PTPRT: variants seen among roughly 807,000 people sequenced by gnomAD.
PTPRT encodes the protein protein tyrosine phosphatase receptor type T.
A neutral mutation model predicts 176.8 loss-of-function variants in PTPRT; 56 were observed. The ratio of observed to expected loss-of-function variants is 0.32; its 90% CI spans 0.26 to 0.40. The LOEUF (loss-of-function observed/expected upper bound fraction) is 0.40. Among genes scored for constraint, PTPRT ranks in the 10% least tolerant of loss-of-function variants. PTPRT has a pLI of 1.00. For synonymous variants in PTPRT, 783 were observed against 739.0 expected, an observed-to-expected ratio of 1.06 and a Z score of -0.96; for missense variants, 1,540 against 1,908.2, an observed-to-expected ratio of 0.81 and a Z score of 3.60.
chr20:42,374,912 A>C (rs1403098053), intron 9 of PTPRT, among the ~76,000 whole-genome samples: 1 of 152,218 alleles, frequency 6.6e-6, no homozygotes, highest in Non-Finnish European at 1.5e-5. Context: ...ACAGCAAAAC[A>C]AAACCAATAA....
chr20:42,265,114 C>G (rs8114177), intron 13 of PTPRT, among the ~76,000 whole-genome samples: 9,274 of 152,218 alleles, frequency 0.061, 371 homozygotes, highest in Non-Finnish European at 0.085. Flanking sequence ...TTCCATTTTG[C>G]AGATGAGAAA....
Position 42,396,169 on chromosome 20 carries a change from T to G in PTPRT, c.1561-43884A>C, listed in dbSNP as rs181251356. ...TGCTCATTCCAGTGTCTTTCCTATC[T>G]CAGTTAATAGCAACTCCATCCTTCC... On this transcript the variant is annotated intron_variant, in intron 9 of 30. Coordinates refer to ENST00000373187, the MANE Select transcript of PTPRT (RefSeq NM_007050.6). Among the ~76,000 whole-genome samples the G allele has an allele frequency of 3.8e-3, 584 of 152,282 alleles. 5 individuals are homozygous for G. The highest frequency in any genetic ancestry group is 0.013 in the African/African-American group (559 of 41,558).
At chr20:42,624,468 G>T (rs1368837060) in intron 7 of PTPRT, among the ~76,000 whole-genome samples, 1 of 152,210 alleles carries the variant, frequency 6.6e-6, no homozygotes, top group Non-Finnish European at 1.5e-5. Flanking sequence ...TTATTGAGGT[G>T]CTCAAACTAT....
At chr20:42,809,057 T>A (rs1156801270) in intron 2 of PTPRT, among the ~76,000 whole-genome samples, 1 of 152,158 alleles carries the variant, frequency 6.6e-6, no homozygotes, top group Non-Finnish European at 1.5e-5. Context: ...AGGAGAGCAC[T>A]TAGGGAGCTG....
At chr20:43,042,547 C>G (rs1016103630) in intron 1 of PTPRT, among the ~76,000 whole-genome samples, 2 of 151,866 alleles carry the variant, frequency 1.3e-5, no homozygotes, top group African/African-American at 4.8e-5. Context: ...AAGAGTCCCC[C>G]CTTGGTGACC....
intron 7 of PTPRT, among the ~76,000 whole-genome samples, chr20:42,548,999 T>G (rs943461353): frequency 6.6e-6 from 1 of 152,194 alleles, no homozygotes; most frequent in African/African-American, 2.4e-5. Flanking sequence ...GAAACTCACC[T>G]GCAGCTCGGG....
chr20:43,065,910 G>A (rs1419034342), intron 1 of PTPRT, among the ~76,000 whole-genome samples: 1 of 152,144 alleles, frequency 6.6e-6, no homozygotes, highest in African/African-American at 2.4e-5. Context: ...AAAGCAATTT[G>A]CAAGTTGCAC....
intron 2 of PTPRT, among the ~76,000 whole-genome samples, chr20:42,796,873 T>G (rs973373815): frequency 6.6e-6 from 1 of 152,214 alleles, no homozygotes; most frequent in Non-Finnish European, 1.5e-5. Context: ...TCTGATGATC[T>G]TAAACAAGTC....
chr20:42,689,451 C>T (rs112404444), intron 6 of PTPRT, among the ~76,000 whole-genome samples: 1 of 152,204 alleles, frequency 6.6e-6, no homozygotes, highest in African/African-American at 2.4e-5. Flanking sequence ...AAACCTCGCA[C>T]TCATCCTTTG....
At position 42,871,252 on chromosome 20, in the gene PTPRT, G is replaced by T. The variant is rs536693655; in HGVS notation, c.214+14555C>A. Reference sequence around the variant, plus strand: ...CAGGCATGAACCACCGTGCCTGGCCGTATTTTCATGTTTCTCACCATTTGT... The same window carrying T: ...CAGGCATGAACCACCGTGCCTGGCCTTATTTTCATGTTTCTCACCATTTGT... On this transcript the variant is annotated intron_variant, in intron 2 of 30. Coordinates refer to ENST00000373187, the MANE Select transcript of PTPRT (RefSeq NM_007050.6). Among the ~76,000 whole-genome samples the T allele has an allele frequency of 2.1e-4, 31 of 150,740 alleles. 2 individuals are homozygous for T. In the South Asian group the frequency reaches 6.5e-3, roughly 32 times the overall value.
At chr20:43,086,187 A>G (rs2146297417) in intron 1 of PTPRT, among the ~76,000 whole-genome samples, 1 of 152,298 alleles carries the variant, frequency 6.6e-6, no homozygotes, top group South Asian at 2.1e-4. Context: ...GCCTCTGTCT[A>G]GACAGGCATA....
intron 9 of PTPRT, among the ~76,000 whole-genome samples, chr20:42,414,390 A>C (rs537235151): frequency 4.6e-5 from 7 of 152,370 alleles, no homozygotes; most frequent in African/African-American, 1.7e-4. Context: ...GATGTCCTCT[A>C]TTCCAGATAT....
chr20:42,515,460 G>T (rs927851639), intron 7 of PTPRT, among the ~76,000 whole-genome samples: 4 of 152,184 alleles, frequency 2.6e-5, no homozygotes, highest in Non-Finnish European at 5.9e-5. Flanking sequence ...TCCAGCCTGA[G>T]TGACAGAGCA....
chr20:42,779,347 T>C (rs1050017338), intron 4 of PTPRT, among the ~76,000 whole-genome samples: 4 of 151,110 alleles, frequency 2.6e-5, no homozygotes, highest in Admixed American at 2.6e-4. Flanking sequence ...ATGGGAGGAG[T>C]GGAGAGAGCC....
At chr20:42,408,652 G>A (rs1345255891) in intron 9 of PTPRT, among the ~76,000 whole-genome samples, 1 of 151,250 alleles carries the variant, frequency 6.6e-6, no homozygotes, top group Non-Finnish European at 1.5e-5. Flanking sequence ...GCTATACATG[G>A]GTGAACAGAG....
At chr20:42,545,624 A>T (rs2145594940) in intron 7 of PTPRT, among the ~76,000 whole-genome samples, 1 of 152,276 alleles carries the variant, frequency 6.6e-6, no homozygotes, top group East Asian at 1.9e-4. Context: ...TCCACATCAC[A>T]TGTTTAATAA....
At chr20:42,687,149 G>C (rs2075710812) in intron 6 of PTPRT, 1 of 146,372 alleles carries the variant, frequency 6.8e-6, no homozygotes, top group African/African-American at 2.8e-5. Flanking sequence ...CCATTCAGCT[G>C]TCAGTGACAG....
At chr20:42,471,741 T>C (rs1394942612) in intron 8 of PTPRT, among the ~76,000 whole-genome samples, 1 of 152,046 alleles carries the variant, frequency 6.6e-6, no homozygotes, top group Non-Finnish European at 1.5e-5. Context: ...CTGCAACCTC[T>C]GCCTCCCAAG....
intron 1 of PTPRT, among the ~76,000 whole-genome samples, chr20:43,058,919 T>C (rs1298089091): frequency 9.9e-5 from 15 of 152,232 alleles, no homozygotes; most frequent in Admixed American, 9.8e-4. Context: ...TGGGGCCCAC[T>C]GGAGACCACC....
Sources: allele counts gnomAD v4.1 joint callset (sites outside exome capture counted in the v4.1 genomes callset), GRCh38; gene constraint gnomAD v4.1.1; transcripts MANE v1.5; gene names NCBI Gene and HGNC (gene_info 2026-07-23, HGNC 2026-07-21).